PRDM4: variants seen among roughly 807,000 people sequenced by gnomAD.
The protein encoded by PRDM4 is PR domain zinc finger protein 4.
A neutral mutation model predicts 62.3 loss-of-function variants in PRDM4; 38 were observed. The observed-to-expected ratio is 0.61, with a 90% CI of 0.47 to 0.80. PRDM4 has a LOEUF of 0.80. Ranked by LOEUF, PRDM4 falls within the 30% of genes least tolerant of loss-of-function variation. The pLI is 0.00. For synonymous variants in PRDM4, 339 were observed against 348.2 expected, an observed-to-expected ratio of 0.97 and a Z score of 0.30; for missense variants, 858 against 997.1, an observed-to-expected ratio of 0.86 and a Z score of 1.88.
chr12:107,734,618 G>T, intron 11 of PRDM4, 96 bp from the exon 12 acceptor site: 1 of 1,176,756 alleles, frequency 8.5e-7, no homozygotes. Flanking sequence ...TGTCAGAGCA[G>T]CTCTATCCTT....
intron 4 of PRDM4, among the ~76,000 whole-genome samples, chr12:107,753,576 A>C (rs757398577): frequency 2.4e-4 from 37 of 152,282 alleles, no homozygotes; most frequent in Non-Finnish European, 5.0e-4. Context: ...AACAGAATAA[A>C]AATTCAATGA....
chr12:107,753,944 T>C lies in PRDM4; in HGVS notation c.311A>G (p.Tyr104Cys). The C allele has an allele frequency of 6.2e-7, 1 of 1,613,810 alleles. No individual in the cohort carries two copies. Among genetic ancestry groups the C allele is most frequent in the Non-Finnish European group, 8.5e-7 (1 of 1,179,942 alleles). The change falls in exon 4 of 12, where the codon TAT becomes TGT. Residue 104 changes from tyrosine (Y) to cysteine (C), a missense_variant. By Grantham distance (194) the Tyr-to-Cys change is radical (BLOSUM62 -2). Transcript: ENST00000228437. ...PPPYPHLESS[Y>C]FRTILPGILS... ...CTTACCAGGTAGAATGGTTCTGAAA[T>C]AACTGCTCTCCAGGTGAGGGTAAGG...
chr12:107,754,196 G>A, intron 3 of PRDM4, 87 bp from the exon 4 acceptor site: 1 of 1,114,472 alleles, frequency 9.0e-7, no homozygotes, highest in Non-Finnish European at 1.3e-6. Flanking sequence ...TCTTAGAAAG[G>A]TTTTTACACA....
In PRDM4 at chr12:107,745,191, TAAG is replaced by T. The variant is rs547700192; in HGVS notation, c.1277-533_1277-531del. On this transcript the variant is annotated intron_variant, in intron 6 of 11. Coordinates refer to ENST00000228437, the MANE Select transcript of PRDM4 (RefSeq NM_012406.4). ...CATAGGGCTCACAATAAATGCTGAG[TAAG>T]AAGAAATATCAGGAATTCCTGAACC... Among the ~76,000 whole-genome samples the T allele has an allele frequency of 7.9e-5, 12 of 152,130 alleles. No individual in the cohort carries two copies. In the East Asian group the frequency reaches 2.3e-3, roughly 29 times the overall value.
chr12:107,736,649 T>C (rs1367219574), intron 11 of PRDM4: 1 of 152,194 alleles, frequency 6.6e-6, no homozygotes, highest in Admixed American at 6.5e-5. Context: ...CAATCTGACT[T>C]ATATTTGAAA....
intron 5 of PRDM4, among the ~76,000 whole-genome samples, chr12:107,749,102 T>C (rs2136323711): frequency 6.6e-6 from 1 of 152,304 alleles, no homozygotes; most frequent in Non-Finnish European, 1.5e-5. Flanking sequence ...CCTCTTCTGC[T>C]ATATCTTGAT....
rs1223708076 is a variant in PRDM4 at position 107,756,955 on chromosome 12, T to C, written c.22A>G (p.Met8Val). Residue 8 changes from methionine to valine, a missense_variant, in exon 3 of 12, where the codon ATG becomes GTG. Physicochemically the swap from Met to Val is conservative, Grantham distance 21. This residue lies in a region of PRDM4 where 499 missense variants were observed against 546.7 expected (regional missense o/e 0.91). Coordinates refer to ENST00000228437, the MANE Select transcript of PRDM4 (RefSeq NM_012406.4). MHHRMNE[M>V]NLSPVGMEQL... ...TCCATCCCCACTGGACTCAGGTTCA[T>C]TTCATTCATCCTAGAAAAGAGCACA... 15 of 1,613,996 alleles carry C rather than the reference T, an allele frequency of 9.3e-6. No homozygotes were observed. Among genetic ancestry groups the C allele is most frequent in the Non-Finnish European group, 1.3e-5 (15 of 1,180,030 alleles).
At position 107,733,157 on chromosome 12, in the gene PRDM4, C is replaced by T. The variant is rs1317980702; in HGVS notation, c.*1053G>A. On this transcript the variant is annotated 3_prime_UTR_variant, in exon 12 of 12. Transcript: ENST00000228437. ...ACAGGCCCATGTGGTCACTATTCAG[C>T]CTTCTTTACCTTCCAAAAATCCTTT... The T allele has an allele frequency of 1.3e-5, 2 of 152,262 alleles. No individual in the cohort carries two copies. The highest frequency in any genetic ancestry group is 2.9e-5 in the Non-Finnish European group (2 of 68,054). 9.4% of individuals were successfully genotyped at this position (152,262 alleles called of 1,614,324 possible). A position where few individuals can be genotyped will look rare whatever the true frequency, so the allele number is the denominator to read the frequency against.
In PRDM4 at chr12:107,739,549, G is replaced by A. The variant is rs1214133368; in HGVS notation, c.1927C>T (p.Gln643Ter). 3.1e-6 allele frequency: 5 copies of A among 1,612,846 alleles called. No homozygotes were observed. The highest frequency in any genetic ancestry group is 4.2e-6 in the Non-Finnish European group (5 of 1,179,370). Residue 643 changes from glutamine to a stop codon, truncating the protein, a stop_gained and splice_region_variant, in exon 11 of 12, where the codon CAG becomes TAG. Transcript: ENST00000228437. LOFTEE classifies it high-confidence loss of function. ...CACAAGGTACACCTGTAGTTCTTCTGACCTGCAATCAGCCCAAAGTATTAC... is the reference window on the plus strand; with the variant it reads ...CACAAGGTACACCTGTAGTTCTTCTAACCTGCAATCAGCCCAAAGTATTAC... ...LRTHLKIHTG[Q>*]KNYRCTLCDK...
chr12:107,737,191 G>C (rs919816380), intron 11 of PRDM4, among the ~76,000 whole-genome samples: 3 of 151,896 alleles, frequency 2.0e-5, no homozygotes, highest in East Asian at 1.9e-4. Context: ...GGGGACACTA[G>C]GGGGGGAACT....
chr12:107,753,955 C>T lies in PRDM4; in HGVS notation c.300G>A (p.Leu100=), dbSNP rs1890982004. The T allele has an allele frequency of 6.2e-7, 1 of 1,613,898 alleles. No homozygotes were observed. Among genetic ancestry groups the T allele is most frequent in the Non-Finnish European group, 8.5e-7 (1 of 1,179,950 alleles). Residue 100 remains leucine (L), a synonymous_variant, in exon 4 of 12, where the codon CTG becomes CTA. Transcript: ENST00000228437. The part of the protein sequence containing the change: ...YTLPPPPYPH[L]ESSYFRTILP... ...GAATGGTTCTGAAATAACTGCTCTC[C>T]AGGTGAGGGTAAGGTGGTGGAGGTA...
chr12:107,742,094 G>T (rs1890535155), intron 9 of PRDM4, 127 bp downstream of exon 9: 1 of 1,031,548 alleles, frequency 9.7e-7, no homozygotes, highest in Non-Finnish European at 1.4e-6. Flanking sequence ...ACAAGTAATA[G>T]TTTGCATTTA....
At chr12:107,743,371 C>CT in intron 7 of PRDM4, 89 bp from the exon 8 acceptor site, 1 of 915,842 alleles carries the variant, frequency 1.1e-6, no homozygotes. Flanking sequence ...ACCTCATTTA[C>CT]TCATTTGCAG....
rs570855561 is a variant in PRDM4, at chr12:107,742,480, T to C, written c.1482-132A>G. ...TACTATTTCCTCTGGAATGTTTTTG[T>C]AATTTCCCGTCCTATCTATGAGAAG... is the stretch of plus-strand genomic sequence containing the variant. On this transcript the variant is annotated intron_variant, in intron 8 of 11. Transcript: ENST00000228437. 1.8e-4 allele frequency: 192 copies of C among 1,062,228 alleles called. No homozygotes were observed. The African/African-American group carries it at 2.9e-3, about 16-fold the overall frequency. The allele number at this position is 1,062,228 out of a possible 1,614,324, so 65.8% of individuals were successfully genotyped here. A position where few individuals can be genotyped will look rare whatever the true frequency, so the allele number is the denominator to read the frequency against.
intron 2 of PRDM4, among the ~76,000 whole-genome samples, chr12:107,759,261 A>G (rs981504140): frequency 2.0e-5 from 3 of 152,158 alleles, no homozygotes; most frequent in African/African-American, 7.2e-5. Flanking sequence ...TCTTAAAAAC[A>G]AAAAAAGCAA....
In PRDM4 at chr12:107,761,080, TTTCCCGTCCCGCCCGGCCC is replaced by T. The variant is rs1454373130; in HGVS notation, c.-399_-381del. 9.3e-5 allele frequency: 14 copies of T among 151,346 alleles called. No homozygotes were observed. The highest frequency in any genetic ancestry group is 1.3e-4 in the Non-Finnish European group (9 of 67,936). The allele number at this position is 151,346 out of a possible 1,614,324, so 9.4% of individuals were successfully genotyped here. On this transcript the variant is annotated 5_prime_UTR_variant, in exon 1 of 12. Coordinates refer to ENST00000228437, the MANE Select transcript of PRDM4 (RefSeq NM_012406.4). ...CACCCCGGGGGCCGCTGCCCTAACG[TTTCCCGTCCCGCCCGGCCC>T]TTCCCGGCCCGCGGCCTCCTCTGGG...
chr12:107,753,664 T>G lies in PRDM4; in HGVS notation c.331+260A>C, dbSNP rs35726106. Among the ~76,000 whole-genome samples the G allele has an allele frequency of 2.0e-5, 3 of 152,044 alleles. No individual in the cohort carries two copies. In the South Asian group the frequency reaches 6.2e-4, roughly 32 times the overall value. ...TAGCTGTAGAATTATAAACACCAAA[T>G]GAAAGAGATACTGGAGGAGAAAGAA... On this transcript the variant is annotated intron_variant, in intron 4 of 11. Coordinates refer to ENST00000228437, the MANE Select transcript of PRDM4 (RefSeq NM_012406.4).
intron 11 of PRDM4, among the ~76,000 whole-genome samples, chr12:107,738,795 C>T (rs1890416525): frequency 6.6e-6 from 1 of 151,874 alleles, no homozygotes; most frequent in African/African-American, 2.4e-5. Context: ...TGCACAACAA[C>T]GTGAATATAA....
chr12:107,746,805 T>C (rs1890723262), intron 5 of PRDM4, among the ~76,000 whole-genome samples: 1 of 152,184 alleles, frequency 6.6e-6, no homozygotes, highest in South Asian at 2.1e-4. Flanking sequence ...ATTTAAATGC[T>C]AATTACTAAA....
Sources: allele counts gnomAD v4.1 joint callset (sites outside exome capture counted in the v4.1 genomes callset), GRCh38; gene constraint gnomAD v4.1.1; regional missense constraint gnomAD v4.1.1; transcripts MANE v1.5; gene names NCBI Gene and HGNC (gene_info 2026-07-23, HGNC 2026-07-21).